The following IKBKB variants were observed in gnomAD, a reference collection of about 807,000 sequenced individuals.
IKBKB encodes the protein inhibitor of nuclear factor kappa B kinase subunit beta.
IKBKB carries 42 observed loss-of-function variants against 113.6 expected under a neutral mutation model. The observed-to-expected ratio is 0.37, with a 90% confidence interval of 0.29 to 0.48. The LOEUF (loss-of-function observed/expected upper bound fraction) is 0.48, where lower values mean the gene tolerates loss of function less well. Among genes scored for constraint, IKBKB ranks in the 20% least tolerant of loss-of-function variants. The probability of loss-of-function intolerance (pLI) is 0.99; values close to 1 mark genes in which losing one functional copy is unlikely to be tolerated. For synonymous variants in IKBKB, 296 were observed against 361.3 expected, an observed-to-expected ratio of 0.82 and a Z score of 2.05; for missense variants, 673 against 939.7, an observed-to-expected ratio of 0.72 and a Z score of 3.71.
At position 42,331,409 on chromosome 8, in the gene IKBKB, A is replaced by C. The variant is rs555017525; in HGVS notation, c.*430A>C. The stretch of plus-strand genomic sequence containing the variant: ...GTGTCCAATTCAAATCTTTCAGGGC[A>C]GAGTCCGAGCAGCGCTTGGTGACAG... On this transcript the variant is annotated 3_prime_UTR_variant, in exon 22 of 22. Transcript: ENST00000520810. 10 of 702,850 alleles carry C rather than the reference A, an allele frequency of 1.4e-5. No homozygotes were observed. In the East Asian group the frequency reaches 2.7e-4, roughly 19 times the overall value. 43.5% of individuals were successfully genotyped at this position (702,850 alleles called of 1,614,324 possible).
chr8:42,297,223 T>G (rs376285189), intron 5 of IKBKB, among the ~76,000 whole-genome samples: 1 of 152,238 alleles, frequency 6.6e-6, no homozygotes, highest in Non-Finnish European at 1.5e-5. Context: ...GTATTCTAAA[T>G]CCATTAAATT....
intron 21 of IKBKB, chr8:42,330,068 A>T (rs1821489133): frequency 1.0e-6 from 1 of 985,270 alleles, no homozygotes; most frequent in African/African-American, 1.7e-5. Context: ...GCTTACTTGC[A>T]TGTCTGTGGG....
Position 42,321,908 on chromosome 8 carries a change from A to G in IKBKB, c.1701A>G (p.Ala567=). 2 of 1,610,154 alleles carry G rather than the reference A, an allele frequency of 1.2e-6. No individual in the cohort carries two copies. The change falls in exon 17 of 22, where the codon GCA becomes GCG. Residue 567 remains alanine, a synonymous_variant. Coordinates refer to ENST00000520810, the MANE Select transcript of IKBKB (RefSeq NM_001556.3). The part of the protein sequence containing the change: ...GGTLDDLEEQ[A]RELYRRLREK... ...TTGTATATTTTAGAGAGGAGCAAGCAAGGGAGCTGTACAGGAGACTAAGGG... is the reference window on the plus strand; with the variant it reads ...TTGTATATTTTAGAGAGGAGCAAGCGAGGGAGCTGTACAGGAGACTAAGGG...
chr8:42,299,252 T>C (rs1457775060), intron 5 of IKBKB, among the ~76,000 whole-genome samples: 1 of 152,156 alleles, frequency 6.6e-6, no homozygotes, highest in Non-Finnish European at 1.5e-5. Context: ...CTCATAGCCT[T>C]GCATTACGGA....
In IKBKB at chr8:42,331,513, T is replaced by C. The variant is rs1397932797; in HGVS notation, c.*534T>C. On this transcript the variant is annotated 3_prime_UTR_variant, in exon 22 of 22. Transcript: ENST00000520810. Reference sequence around the variant, plus strand: ...AGCTTGTGTTTCTTCTGGATTCAGCTTCTCCTAAACAGACAGTTTAATTAT... The same window carrying C: ...AGCTTGTGTTTCTTCTGGATTCAGCCTCTCCTAAACAGACAGTTTAATTAT... 3 of 663,600 alleles carry C rather than the reference T, an allele frequency of 4.5e-6. No individual in the cohort carries two copies. Among genetic ancestry groups the C allele is most frequent in the Non-Finnish European group, 8.2e-6 (3 of 365,230 alleles). The allele number at this position is 663,600 out of a possible 1,614,324, so 41.1% of individuals were successfully genotyped here.
At chr8:42,295,464 C>T (rs1004448498) in intron 5 of IKBKB, among the ~76,000 whole-genome samples, 3 of 152,226 alleles carry the variant, frequency 2.0e-5, no homozygotes, top group African/African-American at 4.8e-5. Context: ...CAGTGGCTCA[C>T]GCCTGCAATC....
At position 42,316,580 on chromosome 8, in the gene IKBKB, C is replaced by T. The variant is rs1007279325; in HGVS notation, c.931-130C>T. 1.1e-6 allele frequency: 1 copy of T among 950,660 alleles called. No individual in the cohort carries two copies. Among genetic ancestry groups the T allele is most frequent in the African/African-American group, 1.7e-5 (1 of 60,564 alleles). The allele number at this position is 950,660 out of a possible 1,614,324, so 58.9% of individuals were successfully genotyped here. A position where few individuals can be genotyped will look rare whatever the true frequency, so the allele number is the denominator to read the frequency against. On this transcript the variant is annotated intron_variant, in intron 10 of 21. Transcript: ENST00000520810. This position sits in a 1 kb window ranked among gnomAD's most constrained non-coding sequence, Gnocchi z 4.5. ...ATGCGAAACATGGCACATGACCTCC[C>T]TCCCTCAAGCTAGGCCCTTGCTTTG... is the stretch of plus-strand genomic sequence containing the variant.
intron 1 of IKBKB, chr8:42,271,803 G>A: frequency 1.9e-6 from 1 of 524,728 alleles, no homozygotes; most frequent in Non-Finnish European, 3.3e-6. Flanking sequence ...AGTCAGCTGG[G>A]GATCCCCTCG....
At position 42,312,012 on chromosome 8, in the gene IKBKB, G is replaced by A. The variant is rs367794797; in HGVS notation, c.693-2310G>A. On this transcript the variant is annotated intron_variant, in intron 8 of 21. Transcript: ENST00000520810. ...TGCCATTCTCCTGCCTCAGCCTCCC[G>A]AGTAGCTGGGACTACAGGCGCCCGC... is the stretch of plus-strand genomic sequence containing the variant. Among the ~76,000 whole-genome samples, 23 of 152,060 alleles carry A rather than the reference G, an allele frequency of 1.5e-4. 1 individual carries two copies. Among genetic ancestry groups the A allele is most frequent in the African/African-American group, 4.3e-4 (18 of 41,488 alleles).
At chr8:42,326,401 G>T in intron 20 of IKBKB, 1 of 315,516 alleles carries the variant, frequency 3.2e-6, no homozygotes, top group Non-Finnish European at 6.0e-6. Context: ...TTCCCTTCAG[G>T]GAGGCCCTGA....
At chr8:42,292,048 G>C (rs191988008) in intron 4 of IKBKB, among the ~76,000 whole-genome samples, 52 of 152,370 alleles carry the variant, frequency 3.4e-4, no homozygotes, top group African/African-American at 1.3e-3. Context: ...TGTCCTGGGA[G>C]TGGCACTCAC....
intron 19 of IKBKB, 198 bp from the exon 20 acceptor site, chr8:42,325,772 C>T (rs956389778): frequency 3.6e-6 from 5 of 1,401,140 alleles, no homozygotes; most frequent in Non-Finnish European, 4.6e-6. Context: ...CCTCAAAAGT[C>T]TCCGTTGATA....
Position 42,319,440 on chromosome 8 carries a change from A to G in IKBKB, c.1516+19A>G. On this transcript the variant is annotated intron_variant, in intron 14 of 21. Transcript: ENST00000520810. ...GGGATCAGTGAGTGTGCACTTTGCAATGAGTTTAAAGACACCATTTTTTTT... is the reference window on the plus strand; with the variant it reads ...GGGATCAGTGAGTGTGCACTTTGCAGTGAGTTTAAAGACACCATTTTTTTT... 6.2e-7 allele frequency: 1 copy of G among 1,614,020 alleles called. No homozygotes were observed. Among genetic ancestry groups the G allele is most frequent in the Non-Finnish European group, 8.5e-7 (1 of 1,179,868 alleles).
chr8:42,293,889 A>T (rs16891173), intron 5 of IKBKB, among the ~76,000 whole-genome samples: 32,354 of 152,246 alleles, frequency 0.21, 7,979 homozygotes, highest in African/African-American at 0.6. Context: ...CCACGTAGGC[A>T]GTTCTTTGCC....
At chr8:42,287,991 C>A (rs774333806) in intron 2 of IKBKB, among the ~76,000 whole-genome samples, 11 of 152,074 alleles carry the variant, frequency 7.2e-5, no homozygotes, top group Non-Finnish European at 1.5e-4. Context: ...GGGGTTCGGA[C>A]AGGGAAACCT....
rs766853797 is a variant in IKBKB, at chr8:42,322,145, G to A, written c.1830G>A (p.Thr610=). The change falls in exon 18 of 22, where the codon ACG becomes ACA. Residue 610 remains threonine (T), a synonymous_variant. Coordinates refer to ENST00000520810, the MANE Select transcript of IKBKB (RefSeq NM_001556.3). ...AGAAGAAAGTGCGAGTGATCTATAC[G>A]CAGCTCAGGTATGAGCCCCGACCTT... The part of the protein sequence containing the change: ...SFEKKVRVIY[T]QLSKTVVCKQ... 13 of 1,612,896 alleles carry A rather than the reference G, an allele frequency of 8.1e-6. No homozygotes were observed. The highest frequency in any genetic ancestry group is 1.7e-5 in the Admixed American group (1 of 59,934).
intron 4 of IKBKB, among the ~76,000 whole-genome samples, chr8:42,290,765 C>T (rs927623452): frequency 9.9e-5 from 15 of 152,270 alleles, no homozygotes; most frequent in Middle Eastern, 3.4e-3. Context: ...GGGCTGCAGA[C>T]CCGCCCCAAT....
At chr8:42,288,753 C>G in intron 3 of IKBKB, 25 bp downstream of exon 3, 16 of 1,564,374 alleles carry the variant, frequency 1.0e-5, no homozygotes, top group Non-Finnish European at 1.4e-5. Context: ...CATAGGGACC[C>G]AAGGGAAAGC....
chr8:42,325,927 A>G (rs1820652913), intron 19 of IKBKB, 43 bp from the exon 20 acceptor site: 1 of 1,611,462 alleles, frequency 6.2e-7, no homozygotes, highest in Non-Finnish European at 8.5e-7. Context: ...GCAAAATGTG[A>G]TTCATCACTT....
Sources: gnomAD v4.1 joint callset for allele counts (sites outside exome capture counted in the v4.1 genomes callset) on GRCh38, gnomAD v4.1.1 for gene constraint, Gnocchi (gnomAD v3.1) non-coding constraint, MANE v1.5 for transcripts, NCBI Gene and HGNC (gene_info 2026-07-23, HGNC 2026-07-21) for gene names.